AP5M1: variants seen among roughly 807,000 people sequenced by gnomAD.
AP5M1 encodes adaptor related protein complex 5 subunit mu 1, also known as AP-5 complex subunit mu-1.
AP5M1 carries 44 observed loss-of-function variants against 52.3 expected under a neutral mutation model. The ratio of observed to expected loss-of-function variants is 0.84; its 90% CI spans 0.66 to 1.08. The LOEUF is 1.08. AP5M1 is among the 50% of genes least tolerant of loss of function. The pLI, the probability that AP5M1 is intolerant of heterozygous loss-of-function variation, is 0.00. For missense variants in AP5M1, 526 were observed against 568.4 expected (o/e 0.93, Z 0.76); for synonymous variants, 213 against 199.0 (o/e 1.07, Z -0.59).
intron 2 of AP5M1, among the ~76,000 whole-genome samples, chr14:57,277,606 A>G (rs2139688793): frequency 6.6e-6 from 1 of 152,118 alleles, no homozygotes; most frequent in South Asian, 2.1e-4. Flanking sequence ...TTATAAAGGC[A>G]CTAATTGTAT....
rs1885472093 is a variant in AP5M1 at position 57,292,976 on chromosome 14, A to G, written c.*4092A>G. 1 of 151,766 alleles carries G rather than the reference A, an allele frequency of 6.6e-6. No homozygotes were observed. Among genetic ancestry groups the G allele is most frequent in the Admixed American group, 6.6e-5 (1 of 15,174 alleles). The allele number at this position is 151,766 out of a possible 1,614,324, so 9.4% of individuals were successfully genotyped here. A position where few individuals can be genotyped will look rare whatever the true frequency, so the allele number is the denominator to read the frequency against. On this transcript the variant is annotated 3_prime_UTR_variant, in exon 8 of 8. Transcript: ENST00000261558. ...TTTCAGAATGCTTTTTTAAAAAAAAAAAGTGACAGCATTACCAAAATAGCC... is the reference window on the plus strand; with the variant it reads ...TTTCAGAATGCTTTTTTAAAAAAAAGAAGTGACAGCATTACCAAAATAGCC...
rs899993992 is a variant in AP5M1 at position 57,291,776 on chromosome 14, A to C, written c.*2892A>C. ...ACATTTATACTTGGTAACAATTGCC[A>C]ATTTTTTTTTCTGGTTTTTGTTGTA... On this transcript the variant is annotated 3_prime_UTR_variant, in exon 8 of 8. Transcript: ENST00000261558. 3.3e-5 allele frequency: 5 copies of C among 151,760 alleles called. No individual in the cohort carries two copies. Among genetic ancestry groups the C allele is most frequent in the Admixed American group, 6.6e-5 (1 of 15,178 alleles). The allele number at this position is 151,760 out of a possible 1,614,324, so 9.4% of individuals were successfully genotyped here. A position where few individuals can be genotyped will look rare whatever the true frequency, so the allele number is the denominator to read the frequency against.
chr14:57,271,949 A>T (rs963228590), intron 1 of AP5M1, among the ~76,000 whole-genome samples: 1 of 152,146 alleles, frequency 6.6e-6, no homozygotes, highest in Non-Finnish European at 1.5e-5. Context: ...AGTGTTAGTT[A>T]TGTCCCCTCA....
rs140954947 is a variant in AP5M1 at position 57,282,119 on chromosome 14, C to T, written c.979C>T (p.Gln327Ter). The T allele has an allele frequency of 1.4e-5, 22 of 1,571,994 alleles. No homozygotes were observed. Among genetic ancestry groups the T allele is most frequent in the Non-Finnish European group, 1.9e-5 (22 of 1,165,084 alleles). Reference sequence around the variant, plus strand: ...TGTCCCACCAATTTTGGGTTTTTATCAAATGAAGGAGGAAGAAGTACAACT... The same window carrying T: ...TGTCCCACCAATTTTGGGTTTTTATTAAATGAAGGAGGAAGAAGTACAACT... ...VPVPPILGFYQMKEEEVQLRI... is the reference protein window; with the variant it reads ...VPVPPILGFY The change falls in exon 4 of 8, where the codon CAA becomes TAA. Residue 327 changes from glutamine to a stop codon, truncating the protein, a stop_gained. Transcript: ENST00000261558. LOFTEE classifies it high-confidence loss of function.
rs1298846074 is a variant in AP5M1, at chr14:57,295,462, A to G, written c.*6578A>G. The stretch of plus-strand genomic sequence containing the variant: ...GTTTTGCATTAACAAAGGAAACATT[A>G]TTAAAGTGAATGTTTACATTGTGTT... On this transcript the variant is annotated 3_prime_UTR_variant, in exon 8 of 8. Transcript: ENST00000261558. The G allele has an allele frequency of 6.6e-6, 1 of 151,954 alleles. No individual in the cohort carries two copies. Among genetic ancestry groups the G allele is most frequent in the Non-Finnish European group, 1.5e-5 (1 of 67,874 alleles). The allele number at this position is 151,954 out of a possible 1,614,324, so 9.4% of individuals were successfully genotyped here.
chr14:57,284,950 G>T (rs544037613), intron 6 of AP5M1, among the ~76,000 whole-genome samples: 1 of 152,168 alleles, frequency 6.6e-6, no homozygotes, highest in South Asian at 2.1e-4. Context: ...ATTCTTAAGA[G>T]AAGGCTCAGC....
intron 3 of AP5M1, 122 bp from the exon 4 acceptor site, chr14:57,281,967 G>C: frequency 1.3e-6 from 1 of 774,196 alleles, no homozygotes; most frequent in Non-Finnish European, 1.9e-6. Flanking sequence ...ATTCATCATT[G>C]CTGTTACCAA....
intron 5 of AP5M1, 28 bp downstream of exon 5, chr14:57,283,047 TTTC>T: frequency 6.4e-7 from 1 of 1,570,582 alleles, no homozygotes; most frequent in Non-Finnish European, 8.7e-7. Context: ...ATTGATTTTT[TTTC>T]TTTTCATTTA....
chr14:57,295,189 TG>T lies in AP5M1; in HGVS notation c.*6307del, dbSNP rs1459305654. ...TATGAAACCAGAACTGGAGTGGTAA[TG>T]GCACTTCTGATTCAATTAACTTACT... On this transcript the variant is annotated 3_prime_UTR_variant, in exon 8 of 8. Transcript: ENST00000261558. 1 of 151,850 alleles carries T rather than the reference TG, an allele frequency of 6.6e-6. No individual in the cohort carries two copies. The highest frequency in any genetic ancestry group is 1.5e-5 in the Non-Finnish European group (1 of 67,848). The allele number at this position is 151,850 out of a possible 1,614,324, so 9.4% of individuals were successfully genotyped here.
chr14:57,290,653 AG>A lies in AP5M1; in HGVS notation c.*1772del, dbSNP rs1031731126. ...ATTTCTAGAAACCGGAGGAAAATCT[AG>A]GGTGTCCTGGAAAAGTGATGAGGTG... On this transcript the variant is annotated 3_prime_UTR_variant, in exon 8 of 8. Coordinates refer to ENST00000261558, the MANE Select transcript of AP5M1 (RefSeq NM_018229.4). The A allele has an allele frequency of 6.6e-6, 1 of 151,956 alleles. No individual in the cohort carries two copies. Among genetic ancestry groups the A allele is most frequent in the Non-Finnish European group, 1.5e-5 (1 of 67,902 alleles). The allele number at this position is 151,956 out of a possible 1,614,324, so 9.4% of individuals were successfully genotyped here.
At chr14:57,282,330 G>T in intron 4 of AP5M1, 102 bp downstream of exon 4, 2 of 872,882 alleles carry the variant, frequency 2.3e-6, no homozygotes, top group Non-Finnish European at 3.2e-6. Context: ...TTTAAGGTCT[G>T]AACAATTTTA....
rs1884966369 is a variant in AP5M1, at chr14:57,274,353, T to C, written c.184T>C (p.Leu62=). 1 of 1,614,206 alleles carries C rather than the reference T, an allele frequency of 6.2e-7. No homozygotes were observed. The highest frequency in any genetic ancestry group is 2.2e-5 in the East Asian group (1 of 44,876). The change falls in exon 2 of 8, where the codon TTG becomes CTG. Residue 62 remains leucine, a synonymous_variant. Coordinates refer to ENST00000261558, the MANE Select transcript of AP5M1 (RefSeq NM_018229.4). ...LKALLFELRL[L]DDDKDFVESR... ...AGCACTGCTCTTTGAACTTAGATTA[T>C]TGGATGATGATAAAGACTTCGTTGA...
At chr14:57,280,148 C>CAT (rs1479287616) in intron 2 of AP5M1, 47 bp from the exon 3 acceptor site, 1 of 1,391,794 alleles carries the variant, frequency 7.2e-7, no homozygotes, top group Non-Finnish European at 1.0e-6. Flanking sequence ...CTCAAACAGA[C>CAT]ATTTGCTTCT....
In AP5M1 at chr14:57,294,376, A is replaced by G. The variant is rs547562743; in HGVS notation, c.*5492A>G. 1.3e-5 allele frequency: 2 copies of G among 151,936 alleles called. No individual in the cohort carries two copies. The highest frequency in any genetic ancestry group is 2.9e-5 in the Non-Finnish European group (2 of 67,864). The allele number at this position is 151,936 out of a possible 1,614,324, so 9.4% of individuals were successfully genotyped here. Reference sequence around the variant, plus strand: ...ATAAATTTTGTTATGAAAAATTTAAAAATTAGTTATTCCTCTTAAATTTTT... The same window carrying G: ...ATAAATTTTGTTATGAAAAATTTAAGAATTAGTTATTCCTCTTAAATTTTT... On this transcript the variant is annotated 3_prime_UTR_variant, in exon 8 of 8. Coordinates refer to ENST00000261558, the MANE Select transcript of AP5M1 (RefSeq NM_018229.4).
At chr14:57,273,978 T>A (rs1350963667) in intron 1 of AP5M1, among the ~76,000 whole-genome samples, 2 of 152,322 alleles carry the variant, frequency 1.3e-5, no homozygotes, top group East Asian at 3.9e-4. Flanking sequence ...TACAATCATG[T>A]ACTCTACCTA....
intron 7 of AP5M1, among the ~76,000 whole-genome samples, chr14:57,287,048 CA>C (rs897820407): frequency 1.3e-4 from 20 of 150,758 alleles, no homozygotes; most frequent in South Asian, 1.1e-3. Context: ...AAATATGAGA[CA>C]AAAAACAATT....
rs571404951 is a variant in AP5M1 at position 57,290,994 on chromosome 14, C to G, written c.*2110C>G. ...GCTGGACCTTTCCTTTCTTCAGAGT[C>G]CGTTGCCACAATTAAAGAAGAAACA... is the stretch of plus-strand genomic sequence containing the variant. On this transcript the variant is annotated 3_prime_UTR_variant, in exon 8 of 8. Transcript: ENST00000261558. 1 of 151,992 alleles carries G rather than the reference C, an allele frequency of 6.6e-6. No individual in the cohort carries two copies. Among genetic ancestry groups the G allele is most frequent in the South Asian group, 2.1e-4 (1 of 4,816 alleles). The allele number at this position is 151,992 out of a possible 1,614,324, so 9.4% of individuals were successfully genotyped here. A position where few individuals can be genotyped will look rare whatever the true frequency, so the allele number is the denominator to read the frequency against.
At position 57,288,833 on chromosome 14, in the gene AP5M1, C is replaced by T. The variant is rs201649602; in HGVS notation, c.1422C>T (p.Ile474=). ...HRKLISSDYY[I]WNSKAPAPVT... is the part of the protein sequence containing the mutation. ...AACTAATTTCTTCTGATTATTACAT[C>T]TGGAATTCTAAAGCCCCTGCTCCAG... is the stretch of plus-strand genomic sequence containing the variant. The change falls in exon 8 of 8, where the codon ATC becomes ATT. Residue 474 remains isoleucine (I), a synonymous_variant. Transcript: ENST00000261558. 8 of 1,588,828 alleles carry T rather than the reference C, an allele frequency of 5.0e-6. No individual in the cohort carries two copies. In the Admixed American group the frequency reaches 1.4e-4, roughly 27 times the overall value.
chr14:57,269,320 G>C lies in AP5M1; in HGVS notation c.6G>C (p.Ala2=), dbSNP rs538144687. 1.1e-5 allele frequency: 18 copies of C among 1,614,094 alleles called. No individual in the cohort carries two copies. Among genetic ancestry groups the C allele is most frequent in the Non-Finnish European group, 1.5e-5 (18 of 1,179,998 alleles). M[A]QRAVWLISHE... ...AATGCTTTACTGACTTAACCATGGC[G>C]CAGCGGGCAGTGTGGCTCATAAGCC... Residue 2 remains alanine, a synonymous_variant, in exon 1 of 8, where the codon GCG becomes GCC. Coordinates refer to ENST00000261558, the MANE Select transcript of AP5M1 (RefSeq NM_018229.4).
Sources: allele counts gnomAD v4.1 joint callset (sites outside exome capture counted in the v4.1 genomes callset), GRCh38; gene constraint gnomAD v4.1.1; transcripts MANE v1.5; gene names NCBI Gene and HGNC (gene_info 2026-07-23, HGNC 2026-07-21).